PVT1: variants seen among roughly 807,000 people sequenced by gnomAD.
PVT1 encodes the protein Pvt1 oncogene.
chr8:127,896,935 T>C (rs1815686452), intron 3 of PVT1, among the ~76,000 whole-genome samples: 1 of 152,168 alleles, frequency 6.6e-6, no homozygotes, highest in Non-Finnish European at 1.5e-5. Flanking sequence ...TTCCTCCACC[T>C]GGGGGCTGGG....
chr8:128,036,628 G>C (rs952528865), intron 4 of PVT1, among the ~76,000 whole-genome samples: 1 of 152,138 alleles, frequency 6.6e-6, no homozygotes, highest in Non-Finnish European at 1.5e-5. Context: ...TGATCCTCCC[G>C]TCACTGCAGT....
rs142654955 is a variant in PVT1 at position 127,985,076 on chromosome 8, G to A, written n.783-4086G>A. Among the ~76,000 whole-genome samples, 242 of 136,492 alleles carry A rather than the reference G, an allele frequency of 1.8e-3. 2 individuals are homozygous for A. Among genetic ancestry groups the A allele is most frequent in the African/African-American group, 6.4e-3 (229 of 35,870 alleles). The allele number at this position is 136,492 out of a possible 152,430, so 89.5% of individuals were successfully genotyped here. ...TTTGACAGATTCTCACTCTGTCGCC[G>A]AGGCTGGAGTGTAGTGGCGTGATCT... On this transcript the variant is annotated intron_variant and non_coding_transcript_variant, in intron 3 of 10. Coordinates refer to ENST00000651587, the Ensembl canonical transcript of PVT1.
At chr8:127,876,843 C>T (rs941801996) in intron 2 of PVT1, among the ~76,000 whole-genome samples, 2 of 152,054 alleles carry the variant, frequency 1.3e-5, no homozygotes, top group African/African-American at 4.8e-5. Context: ...TTGCCCCATC[C>T]CCCCAATTTG....
At position 127,821,156 on chromosome 8, in the gene PVT1, A is replaced by G. The variant is rs139985989; in HGVS notation, n.372+25085A>G. On this transcript the variant is annotated intron_variant and non_coding_transcript_variant, in intron 2 of 10. Transcript: ENST00000651587. Reference sequence around the variant, plus strand: ...AAACTCAATCTGATGGTGAAAGAAGATACAGAGATCAAGCCCGTCCGCATT... The same window carrying G: ...AAACTCAATCTGATGGTGAAAGAAGGTACAGAGATCAAGCCCGTCCGCATT... 6.2e-4 allele frequency among the ~76,000 whole-genome samples: 95 copies of G among 152,300 alleles called. 1 individual carries two copies. The highest frequency in any genetic ancestry group is 2.2e-3 in the African/African-American group (91 of 41,556).
intron 4 of PVT1, among the ~76,000 whole-genome samples, chr8:128,054,983 T>C (rs150738817): frequency 1.3e-5 from 2 of 152,294 alleles, no homozygotes; most frequent in Non-Finnish European, 2.9e-5. Flanking sequence ...AGAAAACACA[T>C]GAGGTTCCCT....
At chr8:127,979,640 A>G (rs1046926115) in intron 3 of PVT1, among the ~76,000 whole-genome samples, 1 of 152,236 alleles carries the variant, frequency 6.6e-6, no homozygotes, top group African/African-American at 2.4e-5. Context: ...CCAATGCCAG[A>G]GGAGCCTGGG....
At chr8:127,876,650 G>A in intron 2 of PVT1, among the ~76,000 whole-genome samples, 1 of 152,090 alleles carries the variant, frequency 6.6e-6, no homozygotes, top group East Asian at 1.9e-4. Flanking sequence ...AAGGGATGGG[G>A]ACTAAGTGGG....
chr8:127,997,550 T>G (rs1414305425), intron 4 of PVT1, among the ~76,000 whole-genome samples: 3 of 152,204 alleles, frequency 2.0e-5, no homozygotes, highest in Non-Finnish European at 4.4e-5. Context: ...TCATGATTTT[T>G]TACCTGTAGC....
chr8:127,931,995 T>G (rs1816211461), intron 3 of PVT1, among the ~76,000 whole-genome samples: 1 of 152,244 alleles, frequency 6.6e-6, no homozygotes, highest in Admixed American at 6.5e-5. Flanking sequence ...CAGGGCCTCT[T>G]TGCCCCATTT....
At chr8:128,071,902 C>G (rs139011703) in intron 5 of PVT1, among the ~76,000 whole-genome samples, 2 of 152,222 alleles carry the variant, frequency 1.3e-5, no homozygotes, top group East Asian at 3.9e-4. Flanking sequence ...CAATTATCAG[C>G]CATGTGGCCT....
chr8:127,923,947 A>G (rs1724677221), intron 3 of PVT1, among the ~76,000 whole-genome samples: 1 of 152,214 alleles, frequency 6.6e-6, no homozygotes, highest in South Asian at 2.1e-4. Context: ...GGCTTTATAA[A>G]TATTTAACTC....
At chr8:128,080,381 T>A (rs1814161365) in intron 5 of PVT1, among the ~76,000 whole-genome samples, 1 of 152,242 alleles carries the variant, frequency 6.6e-6, no homozygotes. Flanking sequence ...TTGCTCCAAA[T>A]CCTCTACCAG....
chr8:127,931,245 G>A lies in PVT1; in HGVS notation n.782+40247G>A, dbSNP rs114839408. Among the ~76,000 whole-genome samples, 1,510 of 152,250 alleles carry A rather than the reference G, an allele frequency of 9.9e-3. 21 individuals carry two copies. Among genetic ancestry groups the A allele is most frequent in the African/African-American group, 0.034 (1,426 of 41,530 alleles). On this transcript the variant is annotated intron_variant and non_coding_transcript_variant, in intron 3 of 10. Coordinates refer to ENST00000651587, the Ensembl canonical transcript of PVT1. ...TCTTATTTCCAAGCTTATCTCCTCTGTTATTTGCTCCCAGGGAGACCCCTT... is the reference window on the plus strand; with the variant it reads ...TCTTATTTCCAAGCTTATCTCCTCTATTATTTGCTCCCAGGGAGACCCCTT...
intron 4 of PVT1, among the ~76,000 whole-genome samples, chr8:128,034,597 T>C (rs900288718): frequency 2.0e-5 from 3 of 152,206 alleles, no homozygotes; most frequent in African/African-American, 4.8e-5. Context: ...GCATGGAAGC[T>C]AAACATACAT....
intron 3 of PVT1, among the ~76,000 whole-genome samples, chr8:127,931,746 G>T (rs555390719): frequency 6.6e-6 from 1 of 152,218 alleles, no homozygotes; most frequent in East Asian, 1.9e-4. Context: ...CACTCAGCGC[G>T]AGCCAAGCAG....
At chr8:128,073,792 ATTTTTTTTTCT>A (rs1323279245) in intron 5 of PVT1, among the ~76,000 whole-genome samples, 2 of 149,248 alleles carry the variant, frequency 1.3e-5, no homozygotes, top group Non-Finnish European at 3.0e-5. Context: ...AATAACAACA[ATTTTTTTTTCT>A]TTTTTTTTTT....
At chr8:128,080,347 T>G (rs1021901197) in intron 5 of PVT1, among the ~76,000 whole-genome samples, 2 of 152,216 alleles carry the variant, frequency 1.3e-5, no homozygotes, top group African/African-American at 4.8e-5. Context: ...CATTTTGCAT[T>G]CCCACCAACA....
chr8:127,906,291 G>A (rs1815818465), intron 3 of PVT1, among the ~76,000 whole-genome samples: 1 of 152,122 alleles, frequency 6.6e-6, no homozygotes, highest in Admixed American at 6.5e-5. Context: ...GGAAGAAAAT[G>A]CCTGGCTGCT....
intron 3 of PVT1, among the ~76,000 whole-genome samples, chr8:127,986,133 C>T (rs188259723): frequency 5.4e-4 from 83 of 152,338 alleles, no homozygotes; most frequent in Non-Finnish European, 5.9e-5. Context: ...AATTCACCTT[C>T]TGATTGGAGA....
Sources: gnomAD v4.1 joint callset for allele counts (sites outside exome capture counted in the v4.1 genomes callset) on GRCh38, gnomAD v4.1.1 for gene constraint, MANE v1.5 for transcripts, NCBI Gene and HGNC (gene_info 2026-07-23, HGNC 2026-07-21) for gene names.